The following SLC25A28 variants were observed in gnomAD, a reference collection of about 807,000 sequenced individuals.
The protein encoded by SLC25A28 is solute carrier family 25 member 28.
SLC25A28 carries 10 observed loss-of-function variants against 31.9 expected under a neutral mutation model. The observed-to-expected ratio is 0.31, with a 90% CI of 0.19 to 0.53. The LOEUF is 0.53. Ranked by LOEUF, SLC25A28 falls within the 20% of genes least tolerant of loss-of-function variation. The pLI, the probability that SLC25A28 is intolerant of heterozygous loss-of-function variation, is 0.95. For synonymous variants in SLC25A28, 208 were observed against 203.6 expected (o/e 1.02, Z -0.19); for missense variants, 256 against 490.3 (o/e 0.52, Z 4.51).
At chr10:99,627,117 T>G in the SLC25A28 span, among the ~76,000 whole-genome samples, 1 of 152,108 alleles carries the variant, frequency 6.6e-6, no homozygotes, top group African/African-American at 2.4e-5. Flanking sequence ...GGTGCATGCC[T>G]GTAATCCCAG....
the SLC25A28 span, among the ~76,000 whole-genome samples, chr10:99,643,647 A>G: frequency 6.6e-6 from 1 of 151,926 alleles, no homozygotes; most frequent in Admixed American, 6.6e-5. Flanking sequence ...AGTTCTTTTA[A>G]TTGTGATGTT....
chr10:99,617,206 T>G (rs1002575365), intron 1 of SLC25A28: 1 of 985,330 alleles, frequency 1.0e-6, no homozygotes, highest in Non-Finnish European at 1.2e-6. Context: ...AGATAAAGTC[T>G]GGCGCTTGCC....
chr10:99,617,628 C>T, intron 1 of SLC25A28: 2 of 985,410 alleles, frequency 2.0e-6, no homozygotes, highest in Non-Finnish European at 2.4e-6. Context: ...GTTTAACATA[C>T]TCACTGACAC....
rs1036999545 is a variant in SLC25A28 at position 99,620,412 on chromosome 10, T to G, written c.-77A>C. ...GCCGCCGCCCCCCGGCCCCGTAGTGTCCGCCTCAGGCGCGGCCCAGAGAGC... is the reference window on the plus strand; with the variant it reads ...GCCGCCGCCCCCCGGCCCCGTAGTGGCCGCCTCAGGCGCGGCCCAGAGAGC... On this transcript the variant is annotated 5_prime_UTR_variant, in exon 1 of 4. Coordinates refer to ENST00000370495, the MANE Select transcript of SLC25A28 (RefSeq NM_031212.4). 4 of 1,042,844 alleles carry G rather than the reference T, an allele frequency of 3.8e-6. No homozygotes were observed. In the Admixed American group the frequency reaches 2.2e-4, roughly 57 times the overall value. The allele number at this position is 1,042,844 out of a possible 1,614,324, so 64.6% of individuals were successfully genotyped here.
At chr10:99,635,523 C>T in the SLC25A28 span, among the ~76,000 whole-genome samples, 1 of 149,350 alleles carries the variant, frequency 6.7e-6, no homozygotes, top group African/African-American at 2.5e-5. Flanking sequence ...CTACTAAATA[C>T]AAAAATTAGC....
upstream of SLC25A28, among the ~76,000 whole-genome samples, chr10:99,622,179 A>G (rs2034808619): frequency 6.6e-6 from 1 of 152,172 alleles, no homozygotes; most frequent in Non-Finnish European, 1.5e-5. Flanking sequence ...AAAAAAGTAC[A>G]AAAATTCAAA....
the SLC25A28 span, among the ~76,000 whole-genome samples, chr10:99,652,829 A>G: frequency 6.6e-6 from 1 of 152,080 alleles, no homozygotes; most frequent in Non-Finnish European, 1.5e-5. Context: ...CAAATTTTCA[A>G]TCATCCTACT....
chr10:99,635,651 C>T, the SLC25A28 span, among the ~76,000 whole-genome samples: 1 of 145,766 alleles, frequency 6.9e-6, no homozygotes, highest in African/African-American at 2.5e-5. Flanking sequence ...ACACTCCAGC[C>T]TAGGCAACAG....
upstream of SLC25A28, chr10:99,620,726 T>C (rs1030739655): frequency 6.1e-6 from 6 of 985,490 alleles, no homozygotes; most frequent in African/African-American, 8.7e-5. Context: ...TGAACTTTGA[T>C]AGGCTCAACC....
the SLC25A28 span, among the ~76,000 whole-genome samples, chr10:99,630,780 G>A: frequency 6.6e-6 from 1 of 152,170 alleles, no homozygotes; most frequent in Non-Finnish European, 1.5e-5. Context: ...GGGAAGACAG[G>A]CATTAACCAA....
chr10:99,616,633 C>T (rs1589996974), intron 1 of SLC25A28: 5 of 985,278 alleles, frequency 5.1e-6, no homozygotes, highest in Non-Finnish European at 6.0e-6. Flanking sequence ...TTACATGTCC[C>T]ACTATTAATC....
At chr10:99,633,282 G>A in the SLC25A28 span, among the ~76,000 whole-genome samples, 1 of 152,092 alleles carries the variant, frequency 6.6e-6, no homozygotes, top group Admixed American at 6.6e-5. Flanking sequence ...ACTCATACCT[G>A]GTCTTCTGCC....
chr10:99,641,240 T>A, the SLC25A28 span, among the ~76,000 whole-genome samples: 3 of 152,226 alleles, frequency 2.0e-5, no homozygotes, highest in Non-Finnish European at 2.9e-5. Context: ...GTTTCCTGAC[T>A]TTTTAATGAT....
chr10:99,620,386 C>T lies in SLC25A28; in HGVS notation c.-51G>A. 2 of 1,079,336 alleles carry T rather than the reference C, an allele frequency of 1.9e-6. No homozygotes were observed. The highest frequency in any genetic ancestry group is 4.4e-5 in the South Asian group (1 of 22,966). The allele number at this position is 1,079,336 out of a possible 1,614,324, so 66.9% of individuals were successfully genotyped here. On this transcript the variant is annotated 5_prime_UTR_variant, in exon 1 of 4. Transcript: ENST00000370495. Reference sequence around the variant, plus strand: ...CCCCCGCCGCCGCTGCCACCACTGCCGCCGCCGCCCCCCGGCCCCGTAGTG... The same window carrying T: ...CCCCCGCCGCCGCTGCCACCACTGCTGCCGCCGCCCCCCGGCCCCGTAGTG...
the SLC25A28 span, among the ~76,000 whole-genome samples, chr10:99,644,612 T>G: frequency 1.3e-5 from 2 of 152,216 alleles, no homozygotes; most frequent in Non-Finnish European, 1.5e-5. Context: ...GTTAGCTGGT[T>G]ATTTTGCTCG....
At chr10:99,636,830 G>C in the SLC25A28 span, among the ~76,000 whole-genome samples, 5 of 152,186 alleles carry the variant, frequency 3.3e-5, no homozygotes, top group Non-Finnish European at 5.9e-5. Context: ...TCTAGGACCA[G>C]AGGGATTCAC....
intron 1 of SLC25A28, chr10:99,616,359 G>T: frequency 1.3e-6 from 1 of 791,016 alleles, no homozygotes; most frequent in Non-Finnish European, 1.5e-6. Context: ...GGCTCACAGG[G>T]CTGTTGTGGG....
the SLC25A28 span, among the ~76,000 whole-genome samples, chr10:99,631,941 C>A: frequency 8.1e-6 from 1 of 123,544 alleles, no homozygotes; most frequent in Non-Finnish European, 1.6e-5. Flanking sequence ...CCAGGCCGGA[C>A]TGCGGACTGC....
At chr10:99,617,815 T>C in intron 1 of SLC25A28, 2 of 983,258 alleles carry the variant, frequency 2.0e-6, no homozygotes, top group Non-Finnish European at 2.4e-6. Context: ...TGCTATGTTG[T>C]ATGACTAATT....
Sources: gnomAD v4.1 joint callset for allele counts (sites outside exome capture counted in the v4.1 genomes callset) on GRCh38, gnomAD v4.1.1 for gene constraint, MANE v1.5 for transcripts, NCBI Gene and HGNC (gene_info 2026-07-23, HGNC 2026-07-21) for gene names.